XKRX: variants seen among roughly 807,000 people sequenced by gnomAD.
XKRX encodes the protein XK-related protein 2.
In XKRX, 11 loss-of-function variants were observed where a neutral mutation model predicts 22.4. The observed-to-expected ratio is 0.49, with a 90% CI of 0.31 to 0.81. XKRX has a LOEUF of 0.81. Ranked by LOEUF, XKRX falls within the 40% of genes least tolerant of loss-of-function variation. XKRX has a pLI of 0.05. For missense variants in XKRX, 320 were observed against 336.5 expected (o/e 0.95, Z 0.38); for synonymous variants, 114 against 132.2 (o/e 0.86, Z 0.94).
chrX:100,937,814 C>T, the XKRX span, among the ~76,000 whole-genome samples: 1 of 111,953 alleles, frequency 8.9e-6, no homozygotes, highest in Non-Finnish European at 1.9e-5. Context: ...CATATTCTTC[C>T]TTATTGGGTA....
the XKRX span, among the ~76,000 whole-genome samples, chrX:100,901,389 CAA>C: frequency 9.0e-6 from 1 of 111,096 alleles, no homozygotes; most frequent in Admixed American, 9.6e-5. Context: ...AGTCTTTGAA[CAA>C]AAGAGGCATT....
At chrX:100,891,763 A>AAAAGAAAGAAAGAAAGAAAGAAAG in the XKRX span, among the ~76,000 whole-genome samples, 2 of 59,191 alleles carry the variant, frequency 3.4e-5, no homozygotes, top group African/African-American at 8.7e-5. Context: ...AAGAAAGAAG[A>AAAAGAAAGAAAGAAAGAAAGAAAG]AAAGAAAGAA....
downstream of XKRX, among the ~76,000 whole-genome samples, chrX:100,909,106 A>G (rs2085398161): frequency 8.9e-6 from 1 of 112,021 alleles, no homozygotes; most frequent in African/African-American, 3.2e-5. Context: ...TGCCCTCTCC[A>G]GTTTTCTTCC....
At chrX:100,904,964 C>A in the XKRX span, among the ~76,000 whole-genome samples, 1 of 111,755 alleles carries the variant, frequency 8.9e-6, no homozygotes, top group South Asian at 3.8e-4. Context: ...ACGCCTTTTG[C>A]CTGTTTTCTG....
chrX:100,936,102 A>G, the XKRX span, among the ~76,000 whole-genome samples: 10 of 111,860 alleles, frequency 8.9e-5, no homozygotes, highest in South Asian at 3.8e-3. Flanking sequence ...CTTTCAATAT[A>G]TACGTTTTCT....
chrX:100,900,056 A>G, the XKRX span, among the ~76,000 whole-genome samples: 1 of 111,552 alleles, frequency 9.0e-6, no homozygotes, highest in African/African-American at 3.3e-5. Context: ...TTGGAAAAGA[A>G]AAACAAAACT....
At chrX:100,915,726 G>GT (rs1451299093) in intron 2 of XKRX, among the ~76,000 whole-genome samples, 1 of 109,238 alleles carries the variant, frequency 9.2e-6, no homozygotes, top group East Asian at 2.9e-4. Context: ...GTGTGTGTGT[G>GT]TATGAATATT....
upstream of XKRX, chrX:100,928,928 G>C: frequency 2.0e-5 from 13 of 658,954 alleles, no homozygotes; most frequent in Non-Finnish European, 2.0e-5. Flanking sequence ...CCGAGTCCAG[G>C]GTTCTCAGGA....
chrX:100,910,869 G>C (rs948312269), downstream of XKRX: 129 of 717,075 alleles, frequency 1.8e-4, no homozygotes, highest in Admixed American at 1.1e-3. Context: ...CATAAACCGT[G>C]CCATGCTGAG....
At chrX:100,933,994 C>T (rs1447312796), upstream of XKRX, among the ~76,000 whole-genome samples, 1 of 111,488 alleles carries the variant, frequency 9.0e-6, no homozygotes, top group African/African-American at 3.3e-5. Context: ...AACATTTCAT[C>T]ACCCCAAGAA....
At position 100,928,444 on chromosome X, in the gene XKRX, T is replaced by TAGTTAGAGCAAGAAA. The variant is rs769231816; in HGVS notation, c.-155_-141dup. 1,059 of 1,130,417 alleles carry TAGTTAGAGCAAGAAA rather than the reference T, an allele frequency of 9.4e-4. 5 individuals are homozygous for TAGTTAGAGCAAGAAA. In the African/African-American group the frequency reaches 0.017, roughly 18 times the overall value. The allele number at this position is 1,130,417 out of a possible 1,213,427, so 93.2% of individuals were successfully genotyped here. A position where few individuals can be genotyped will look rare whatever the true frequency, so the allele number is the denominator to read the frequency against. ...GTCCAGTTTGGGAACAGAGATTCACTAGTTAGAGCAAGAAACCGCTCTCTT... is the reference window on the plus strand; with the variant it reads ...GTCCAGTTTGGGAACAGAGATTCACTAGTTAGAGCAAGAAAAGTTAGAGCAAGAAACCGCTCTCTT... On this transcript the variant is annotated 5_prime_UTR_variant, in exon 1 of 3. Coordinates refer to ENST00000372956, the MANE Select transcript of XKRX (RefSeq NM_212559.3).
chrX:100,912,886 CAT>C (rs1481563679), downstream of XKRX, among the ~76,000 whole-genome samples: 1 of 111,642 alleles, frequency 9.0e-6, no homozygotes, highest in Non-Finnish European at 1.9e-5. Context: ...GGTTGATAAA[CAT>C]ATGTTCCTTG....
In XKRX at chrX:100,914,244, A is replaced by T; in HGVS notation, c.*94T>A. 4.0e-6 allele frequency: 4 copies of T among 999,638 alleles called. No individual in the cohort carries two copies. The highest frequency in any genetic ancestry group is 5.5e-6 in the Non-Finnish European group (4 of 733,449). 82.4% of individuals were successfully genotyped at this position (999,638 alleles called of 1,213,427 possible). On this transcript the variant is annotated 3_prime_UTR_variant, in exon 3 of 3. Transcript: ENST00000372956. ...ACAGAAAAGTCAAGAAAATGTACTG[A>T]TGGGTATCTCACCCATGAACCTCAT...
At chrX:100,903,869 C>T in the XKRX span, among the ~76,000 whole-genome samples, 1 of 112,048 alleles carries the variant, frequency 8.9e-6, no homozygotes, top group Non-Finnish European at 1.9e-5. Flanking sequence ...AGTCCATGTT[C>T]ATGGATAAGA....
chrX:100,895,954 TTGCTCATTCC>T, the XKRX span, among the ~76,000 whole-genome samples: 2 of 111,689 alleles, frequency 1.8e-5, no homozygotes, highest in Non-Finnish European at 3.8e-5. Context: ...CCACAAAGGG[TTGCTCATTCC>T]TGCTAGGCAA....
At position 100,914,900 on chromosome X, in the gene XKRX, G is replaced by A. The variant is rs1274914444; in HGVS notation, c.788C>T (p.Ala263Val). The A allele has an allele frequency of 8.3e-7, 1 of 1,209,883 alleles. No homozygotes were observed. Among genetic ancestry groups the A allele is most frequent in the African/African-American group, 1.8e-5 (1 of 57,123 alleles). Reference sequence around the variant, plus strand: ...GGGCACAGCCTTCAATTTCAAAGTGGCTGAGAAGAGCACCAGAATCAGGAG... The same window carrying A: ...GGGCACAGCCTTCAATTTCAAAGTGACTGAGAAGAGCACCAGAATCAGGAG... ...SRLLILVLFS[A>V]TLKLKAVPFL... Residue 263 changes from alanine to valine, a missense_variant, in exon 3 of 3, where the codon GCC becomes GTC. Ala to Val is a moderately conservative substitution (Grantham distance 64, BLOSUM62 0). Coordinates refer to ENST00000372956, the MANE Select transcript of XKRX (RefSeq NM_212559.3).
At chrX:100,948,725 C>T in the XKRX span, among the ~76,000 whole-genome samples, 1 of 112,850 alleles carries the variant, frequency 8.9e-6, no homozygotes, top group Non-Finnish European at 1.9e-5. Flanking sequence ...ATGTCTGCCT[C>T]CACATGGCAG....
At position 100,914,526 on chromosome X, in the gene XKRX, T is replaced by C. The variant is rs748400963; in HGVS notation, c.1162A>G (p.Ile388Val). 15 of 1,209,997 alleles carry C rather than the reference T, an allele frequency of 1.2e-5. No individual in the cohort carries two copies. Among genetic ancestry groups the C allele is most frequent in the Non-Finnish European group, 1.5e-5 (13 of 895,098 alleles). The change falls in exon 3 of 3, where the codon ATT becomes GTT. Residue 388 changes from isoleucine to valine, a missense_variant. By Grantham distance (29) the Ile-to-Val change is conservative. Coordinates refer to ENST00000372956, the MANE Select transcript of XKRX (RefSeq NM_212559.3). ...YCHSLIALQL[I>V]IAYLISIGFM... ...CCAATGGAAATCAGATAAGCAATAA[T>C]GAGCTGCAAGGCAATCAAGGAATGA...
At chrX:100,929,012 T>C (rs1162552492), upstream of XKRX, 1 of 149,114 alleles carries the variant, frequency 6.7e-6, no homozygotes, top group Non-Finnish European at 1.1e-5. Flanking sequence ...CACCACCCTG[T>C]CTCCGAATGC....
Sources: allele counts gnomAD v4.1 joint callset (sites outside exome capture counted in the v4.1 genomes callset), GRCh38; gene constraint gnomAD v4.1.1; transcripts MANE v1.5; gene names NCBI Gene and HGNC (gene_info 2026-07-23, HGNC 2026-07-21).